Variants in CNOT7 observed in about 807,000 individuals in gnomAD.
CNOT7 encodes the protein CCR4-NOT transcription complex subunit 7, also known as BTG1-binding factor 1.
Under a neutral mutation model 37.1 loss-of-function variants are expected in CNOT7, and 4 were observed. That is an observed-to-expected ratio of 0.11 (90% CI 0.05 to 0.25). CNOT7 has a LOEUF of 0.25. Among genes scored for constraint, CNOT7 ranks in the 10% least tolerant of loss-of-function variants. The probability of loss-of-function intolerance (pLI) is 1.00; values close to 1 mark genes in which losing one functional copy is unlikely to be tolerated. For synonymous variants in CNOT7, 128 were observed against 115.6 expected (o/e 1.11, Z -0.69); for missense variants, 170 against 336.2 (o/e 0.51, Z 3.87).
rs1383931649 is a variant in CNOT7 at position 17,228,155 on chromosome 8, C to T, written c.*2565G>A. 1 of 151,856 alleles carries T rather than the reference C, an allele frequency of 6.6e-6. No homozygotes were observed. Among genetic ancestry groups the T allele is most frequent in the Non-Finnish European group, 1.5e-5 (1 of 67,832 alleles). 9.4% of individuals were successfully genotyped at this position (151,856 alleles called of 1,614,324 possible). A position where few individuals can be genotyped will look rare whatever the true frequency, so the allele number is the denominator to read the frequency against. Reference sequence around the variant, plus strand: ...ATTATTTTTCCCAACCATTTAAAAGCCATTTTCAGTTCATGGGCCACACAA... The same window carrying T: ...ATTATTTTTCCCAACCATTTAAAAGTCATTTTCAGTTCATGGGCCACACAA... On this transcript the variant is annotated 3_prime_UTR_variant, in exon 7 of 7. Transcript: ENST00000361272.
chr8:17,232,378 G>T, intron 6 of CNOT7, 49 bp downstream of exon 6: 1 of 1,612,748 alleles, frequency 6.2e-7, no homozygotes, highest in Non-Finnish European at 8.5e-7. Context: ...GATTTTTAAT[G>T]TTCTCAACCT....
intron 6 of CNOT7, 86 bp from the exon 7 acceptor site, chr8:17,230,934 G>T: frequency 1.1e-6 from 1 of 932,022 alleles, no homozygotes; most frequent in Non-Finnish European, 1.6e-6. Flanking sequence ...TGTAAGTACT[G>T]ACTGTTCACT....
chr8:17,245,460 T>G (rs1253959656), intron 1 of CNOT7, among the ~76,000 whole-genome samples: 1 of 152,206 alleles, frequency 6.6e-6, no homozygotes, highest in Non-Finnish European at 1.5e-5. Context: ...TTTCAGTTAT[T>G]TTAAAATAGC....
chr8:17,226,189 T>G lies in CNOT7; in HGVS notation c.*4531A>C, dbSNP rs544394843. 3.3e-5 allele frequency: 5 copies of G among 151,468 alleles called. No homozygotes were observed. Among genetic ancestry groups the G allele is most frequent in the African/African-American group, 7.3e-5 (3 of 41,356 alleles). The allele number at this position is 151,468 out of a possible 1,614,324, so 9.4% of individuals were successfully genotyped here. A position where few individuals can be genotyped will look rare whatever the true frequency, so the allele number is the denominator to read the frequency against. On this transcript the variant is annotated 3_prime_UTR_variant, in exon 7 of 7. Transcript: ENST00000361272. ...AAAACTCAAAATATTGAGTACAATT[T>G]TTTTTTCTTTTTTTAGTAATAGAGT...
rs1178616876 is a variant in CNOT7 at position 17,227,068 on chromosome 8, G to C, written c.*3652C>G. On this transcript the variant is annotated 3_prime_UTR_variant, in exon 7 of 7. Transcript: ENST00000361272. The stretch of plus-strand genomic sequence containing the variant: ...GGTTAAGTCCACAAGAGCAAATGAA[G>C]TTAACTGTTGACCAGTTCAGTAACA... The C allele has an allele frequency of 6.6e-6, 1 of 151,168 alleles. No individual in the cohort carries two copies. Among genetic ancestry groups the C allele is most frequent in the East Asian group, 1.9e-4 (1 of 5,184 alleles). 9.4% of individuals were successfully genotyped at this position (151,168 alleles called of 1,614,324 possible). A position where few individuals can be genotyped will look rare whatever the true frequency, so the allele number is the denominator to read the frequency against.
Position 17,229,412 on chromosome 8 carries a change from C to CTGAT in CNOT7, c.*1304_*1307dup, listed in dbSNP as rs1808364618. On this transcript the variant is annotated 3_prime_UTR_variant, in exon 7 of 7. Transcript: ENST00000361272. The stretch of plus-strand genomic sequence containing the variant: ...AACATTTGGAGATTTGCTAATATTA[C>CTGAT]TGATTGAAGTGTAGGTAACACACAT... 1 of 152,292 alleles carries CTGAT rather than the reference C, an allele frequency of 6.6e-6. No homozygotes were observed. Among genetic ancestry groups the CTGAT allele is most frequent in the East Asian group, 1.9e-4 (1 of 5,194 alleles). The allele number at this position is 152,292 out of a possible 1,614,324, so 9.4% of individuals were successfully genotyped here. A position where few individuals can be genotyped will look rare whatever the true frequency, so the allele number is the denominator to read the frequency against.
rs1189314168 is a variant in CNOT7 at position 17,226,253 on chromosome 8, G to A, written c.*4467C>T. The A allele has an allele frequency of 2.0e-5, 3 of 150,858 alleles. No homozygotes were observed. The highest frequency in any genetic ancestry group is 4.5e-5 in the Non-Finnish European group (3 of 67,408). 9.3% of individuals were successfully genotyped at this position (150,858 alleles called of 1,614,324 possible). ...ATAATGGGATTTTTTGGCAGGGGAC[G>A]GGAGGTAACATTTTGCTCAATTTGG... On this transcript the variant is annotated 3_prime_UTR_variant, in exon 7 of 7. Transcript: ENST00000361272.
rs1366129068 is a variant in CNOT7, at chr8:17,228,256, T to A, written c.*2464A>T. ...GCTCTAGTAGATTTAACAGAATATA[T>A]GAGCCTGTAATTAATTAATGGCTCA... On this transcript the variant is annotated 3_prime_UTR_variant, in exon 7 of 7. Coordinates refer to ENST00000361272, the MANE Select transcript of CNOT7 (RefSeq NM_013354.7). The A allele has an allele frequency of 6.6e-6, 1 of 151,886 alleles. No homozygotes were observed. Among genetic ancestry groups the A allele is most frequent in the Non-Finnish European group, 1.5e-5 (1 of 67,854 alleles). The allele number at this position is 151,886 out of a possible 1,614,324, so 9.4% of individuals were successfully genotyped here.
chr8:17,243,448 A>C, intron 2 of CNOT7: 1 of 587,116 alleles, frequency 1.7e-6, no homozygotes, highest in African/African-American at 1.8e-5. Flanking sequence ...TTACTCTATA[A>C]CCAAGAAAGG....
chr8:17,241,493 G>GT (rs756277635), intron 3 of CNOT7: 1 of 152,052 alleles, frequency 6.6e-6, no homozygotes, highest in Non-Finnish European at 1.5e-5. Context: ...CCCTACTTTC[G>GT]TAAAATTGTG....
At chr8:17,233,547 G>C (rs1033138909) in intron 5 of CNOT7, among the ~76,000 whole-genome samples, 8 of 152,056 alleles carry the variant, frequency 5.3e-5, no homozygotes, top group African/African-American at 1.9e-4. Context: ...CACATGATGA[G>C]CAATAATTTG....
chr8:17,242,571 C>T (rs1194205523), intron 3 of CNOT7: 1 of 153,692 alleles, frequency 6.5e-6, no homozygotes, highest in African/African-American at 2.4e-5. Context: ...CCCAAGGTTC[C>T]AGAAAACGTC....
chr8:17,245,265 C>G lies in CNOT7; in HGVS notation c.-95-18G>C. On this transcript the variant is annotated intron_variant, in intron 1 of 6. Transcript: ENST00000361272. ...TTATGTACCTGTCAAAATAAAAAAA[C>G]AATATGAAGACCAGATATATCAAAT... The G allele has an allele frequency of 9.1e-7, 1 of 1,094,232 alleles. No individual in the cohort carries two copies. Among genetic ancestry groups the G allele is most frequent in the Non-Finnish European group, 1.2e-6 (1 of 808,600 alleles). The allele number at this position is 1,094,232 out of a possible 1,614,324, so 67.8% of individuals were successfully genotyped here. A position where few individuals can be genotyped will look rare whatever the true frequency, so the allele number is the denominator to read the frequency against.
rs1311134604 is a variant in CNOT7 at position 17,229,346 on chromosome 8, C to T, written c.*1374G>A. On this transcript the variant is annotated 3_prime_UTR_variant, in exon 7 of 7. Coordinates refer to ENST00000361272, the MANE Select transcript of CNOT7 (RefSeq NM_013354.7). ...CCACCCAGTTACAGCACTGTAATAT[C>T]ATGAATAAAGAATGTACAAGGGAGA... The T allele has an allele frequency of 6.6e-6, 1 of 152,192 alleles. No homozygotes were observed. The highest frequency in any genetic ancestry group is 1.5e-5 in the Non-Finnish European group (1 of 67,818). 9.4% of individuals were successfully genotyped at this position (152,192 alleles called of 1,614,324 possible).
intron 3 of CNOT7, chr8:17,237,690 G>A (rs1277886050): frequency 9.4e-6 from 2 of 212,114 alleles, no homozygotes; most frequent in African/African-American, 4.6e-5. Flanking sequence ...ATTCACCAGG[G>A]GCTACCGTCG....
chr8:17,225,352 T>G lies in CNOT7; in HGVS notation c.*5368A>C, dbSNP rs1243938176. 6.6e-6 allele frequency: 1 copy of G among 151,680 alleles called. No homozygotes were observed. The highest frequency in any genetic ancestry group is 1.5e-5 in the Non-Finnish European group (1 of 67,698). The allele number at this position is 151,680 out of a possible 1,614,324, so 9.4% of individuals were successfully genotyped here. A position where few individuals can be genotyped will look rare whatever the true frequency, so the allele number is the denominator to read the frequency against. On this transcript the variant is annotated 3_prime_UTR_variant, in exon 7 of 7. Transcript: ENST00000361272. ...AGGGCAGATTATATTCATGAATGCT[T>G]CTCATATACAAAAAATTCCTCCATA...
In CNOT7 at chr8:17,234,717, T is replaced by A; in HGVS notation, c.617A>T (p.Lys206Ile). The change falls in exon 5 of 7, where the codon AAA becomes ATA. Residue 206 changes from lysine (K) to isoleucine (I), a missense_variant and splice_region_variant. Physicochemically the swap from Lys to Ile is moderately radical, Grantham distance 102. Coordinates refer to ENST00000361272, the MANE Select transcript of CNOT7 (RefSeq NM_013354.7). The stretch of plus-strand genomic sequence containing the variant: ...AGATAATGCCATCCGAAGCCTTACT[T>A]TGAGATTTTTGCAGCTCTTCATGAG... ...KYLMKSCKNLKGGLQEVAEQL... is the reference protein window; with the variant it reads ...KYLMKSCKNLIGGLQEVAEQL... The A allele has an allele frequency of 6.2e-7, 1 of 1,614,044 alleles. No homozygotes were observed. The highest frequency in any genetic ancestry group is 8.5e-7 in the Non-Finnish European group (1 of 1,179,954).
At chr8:17,233,232 G>A (rs1381597052) in intron 5 of CNOT7, among the ~76,000 whole-genome samples, 1 of 152,156 alleles carries the variant, frequency 6.6e-6, no homozygotes, top group Non-Finnish European at 1.5e-5. Context: ...GAGCGTGAAG[G>A]AAAGAAACAC....
chr8:17,240,501 AG>A (rs1353887779), intron 3 of CNOT7, among the ~76,000 whole-genome samples: 1 of 152,190 alleles, frequency 6.6e-6, no homozygotes, highest in Non-Finnish European at 1.5e-5. Context: ...AGTAAACTTT[AG>A]CAGTCATTTT....
Sources: gnomAD v4.1 joint callset for allele counts (sites outside exome capture counted in the v4.1 genomes callset) on GRCh38, gnomAD v4.1.1 for gene constraint, MANE v1.5 for transcripts, NCBI Gene and HGNC (gene_info 2026-07-23, HGNC 2026-07-21) for gene names.